The following MED7 variants were observed in gnomAD, a reference collection of about 807,000 sequenced individuals.
MED7 encodes the protein mediator of RNA polymerase II transcription subunit 7.
In MED7, 7 loss-of-function variants were observed where a neutral mutation model predicts 16.6. The ratio of observed to expected loss-of-function variants is 0.42; its 90% CI spans 0.24 to 0.79. The LOEUF is 0.79. Ranked by LOEUF, MED7 falls within the 30% of genes least tolerant of loss-of-function variation. The pLI, the probability that MED7 is intolerant of heterozygous loss-of-function variation, is 0.27. For missense variants in MED7, 240 were observed against 286.3 expected (o/e 0.84, Z 1.17); for synonymous variants, 88 against 90.5 (o/e 0.97, Z 0.16).
chr5:157,140,018 T>G (rs1432306203), intron 1 of MED7, among the ~76,000 whole-genome samples: 1 of 152,204 alleles, frequency 6.6e-6, no homozygotes, highest in Non-Finnish European at 1.5e-5. Context: ...TAACTTTTGT[T>G]TGTTTTTTGA....
intron 1 of MED7, 85 bp downstream of exon 1, chr5:157,142,735 C>G (rs1203546144): frequency 6.6e-6 from 1 of 152,532 alleles, no homozygotes; most frequent in African/African-American, 2.4e-5. Context: ...CTCCCCAGTT[C>G]CCAGCCCAGC....
chr5:157,142,192 G>C (rs1757735969), intron 1 of MED7, among the ~76,000 whole-genome samples: 2 of 152,190 alleles, frequency 1.3e-5, no homozygotes, highest in South Asian at 4.1e-4. Context: ...ATCAGAGCTG[G>C]TTCTTAACTC....
rs980714657 is a variant in MED7 at position 157,137,760 on chromosome 5, T to C, written c.*970A>G. On this transcript the variant is annotated 3_prime_UTR_variant, in exon 2 of 2. Coordinates refer to ENST00000286317, the MANE Select transcript of MED7 (RefSeq NM_004270.5). ...TTGCCATCTTCGGTGGCTTCCAAAC[T>C]TATCCTGGATACGACCGTCCAACCA... 2.6e-5 allele frequency: 4 copies of C among 152,222 alleles called. No individual in the cohort carries two copies. The highest frequency in any genetic ancestry group is 6.5e-5 in the Admixed American group (1 of 15,274). 9.4% of individuals were successfully genotyped at this position (152,222 alleles called of 1,614,324 possible).
intron 1 of MED7, among the ~76,000 whole-genome samples, chr5:157,140,012 TTTTG>T (rs886471997): frequency 1.5e-4 from 23 of 152,170 alleles, no homozygotes; most frequent in African/African-American, 4.8e-4. Flanking sequence ...ACACATTAAC[TTTTG>T]TTTGTTTTTT....
Position 157,139,464 on chromosome 5 carries a change from A to G in MED7, c.-17-16T>C, listed in dbSNP as rs1186185080. On this transcript the variant is annotated splice_polypyrimidine_tract_variant and intron_variant, in intron 1 of 1. Transcript: ENST00000286317. ...TATCAAGAACCTATGGACACAGACCAAAGATTTATTAGAGCCACAAGACAA... is the reference window on the plus strand; with the variant it reads ...TATCAAGAACCTATGGACACAGACCGAAGATTTATTAGAGCCACAAGACAA... 2.1e-6 allele frequency: 3 copies of G among 1,408,544 alleles called. No homozygotes were observed. Among genetic ancestry groups the G allele is most frequent in the African/African-American group, 1.5e-5 (1 of 68,688 alleles). 87.3% of individuals were successfully genotyped at this position (1,408,544 alleles called of 1,614,324 possible). A position where few individuals can be genotyped will look rare whatever the true frequency, so the allele number is the denominator to read the frequency against.
intron 1 of MED7, among the ~76,000 whole-genome samples, chr5:157,141,747 G>C (rs1242367313): frequency 1.3e-5 from 2 of 151,852 alleles, no homozygotes; most frequent in African/African-American, 4.8e-5. Context: ...GCACCACCAC[G>C]CCCAGCTAAT....
At chr5:157,140,305 C>T (rs377382265) in intron 1 of MED7, among the ~76,000 whole-genome samples, 1 of 152,098 alleles carries the variant, frequency 6.6e-6, no homozygotes, top group Non-Finnish European at 1.5e-5. Context: ...TGAGCCACCA[C>T]GCCTGGCCTG....
intron 1 of MED7, chr5:157,142,608 C>A (rs554361991): frequency 2.6e-5 from 4 of 152,234 alleles, no homozygotes; most frequent in Admixed American, 2.6e-4. Flanking sequence ...ACGCTTAGAG[C>A]CCCCTCCTCC....
chr5:157,138,570 C>T lies in MED7; in HGVS notation c.*160G>A. 1.7e-6 allele frequency: 1 copy of T among 604,280 alleles called. No homozygotes were observed. Among genetic ancestry groups the T allele is most frequent in the Non-Finnish European group, 2.8e-6 (1 of 352,972 alleles). The allele number at this position is 604,280 out of a possible 1,614,324, so 37.4% of individuals were successfully genotyped here. ...CACTCATTTGTCTATGCTTGTTATA[C>T]AGCGAAATTACTGCCTATGACATCT... is the stretch of plus-strand genomic sequence containing the variant. On this transcript the variant is annotated 3_prime_UTR_variant, in exon 2 of 2. Transcript: ENST00000286317.
Position 157,138,840 on chromosome 5 carries a change from T to C in MED7, c.592A>G (p.Thr198Ala), listed in dbSNP as rs753431410. The C allele has an allele frequency of 9.9e-6, 16 of 1,614,192 alleles. No homozygotes were observed. The highest frequency in any genetic ancestry group is 2.2e-5 in the East Asian group (1 of 44,890). ...PMDADDSNNC[T>A]GQNEHQRENS... ...TCTCTTTGATGTTCATTCTGTCCAG[T>C]ACAATTGTTGCTATCATCAGCATCC... Residue 198 changes from threonine (T) to alanine (A), a missense_variant, in exon 2 of 2, where the codon ACT becomes GCT. Coordinates refer to ENST00000286317, the MANE Select transcript of MED7 (RefSeq NM_004270.5).
rs1258533344 is a variant in MED7, at chr5:157,138,284, A to T, written c.*446T>A. 1 of 154,174 alleles carries T rather than the reference A, an allele frequency of 6.5e-6. No individual in the cohort carries two copies. The highest frequency in any genetic ancestry group is 2.4e-5 in the African/African-American group (1 of 41,492). 9.6% of individuals were successfully genotyped at this position (154,174 alleles called of 1,614,324 possible). On this transcript the variant is annotated 3_prime_UTR_variant, in exon 2 of 2. Transcript: ENST00000286317. ...AACTCTACTGGGCTCCTCTCTATCA[A>T]CATGTTATGCTACTTTTTGGAGCTT... is the stretch of plus-strand genomic sequence containing the variant.
At position 157,139,170 on chromosome 5, in the gene MED7, T is replaced by A; in HGVS notation, c.262A>T (p.Asn88Tyr). The A allele has an allele frequency of 6.2e-7, 1 of 1,613,112 alleles. No homozygotes were observed. Among genetic ancestry groups the A allele is most frequent in the Non-Finnish European group, 8.5e-7 (1 of 1,179,636 alleles). The change falls in exon 2 of 2, where the codon AAT (asparagine) becomes TAT (tyrosine). Residue 88 changes from asparagine (N) to tyrosine (Y), a missense_variant. Transcript: ENST00000286317. ...AAAATATCTAAAAGGTCCAAGAAATTAATAAGGATAGACATATTAAGTTTT... is the reference window on the plus strand; with the variant it reads ...AAAATATCTAAAAGGTCCAAGAAATAAATAAGGATAGACATATTAAGTTTT... ...LRKLNMSILINFLDLLDILIR... is the reference protein window; with the variant it reads ...LRKLNMSILIYFLDLLDILIR...
rs1757685484 is a variant in MED7 at position 157,139,115 on chromosome 5, TCTC to T, written c.314_316del (p.Arg105_Glu106delinsGln). 1 of 1,613,904 alleles carries T rather than the reference TCTC, an allele frequency of 6.2e-7. No homozygotes were observed. Among genetic ancestry groups the T allele is most frequent in the Non-Finnish European group, 8.5e-7 (1 of 1,179,944 alleles). On this transcript the variant is annotated inframe_deletion, in exon 2 of 2. Transcript: ENST00000286317. ...CAGCTTAAGATCTTCTAGTTTCTCT[TCTC>T]GTTTTATACTCCCAGGGCTCCTTAT... is the stretch of plus-strand genomic sequence containing the variant.
chr5:157,142,358 G>A (rs1016502573), intron 1 of MED7: 2 of 152,288 alleles, frequency 1.3e-5, no homozygotes, highest in Admixed American at 1.3e-4. Flanking sequence ...AGATGGACCT[G>A]ACGATTAGGC....
chr5:157,138,447 T>A lies in MED7; in HGVS notation c.*283A>T, dbSNP rs1439115632. On this transcript the variant is annotated 3_prime_UTR_variant, in exon 2 of 2. Coordinates refer to ENST00000286317, the MANE Select transcript of MED7 (RefSeq NM_004270.5). ...ACGAAAACTTTGCTATTATTGAGGT[T>A]ATCATCAAAGTTTTACTGCAACTCT... 6.5e-6 allele frequency: 2 copies of A among 305,786 alleles called. No individual in the cohort carries two copies. Among genetic ancestry groups the A allele is most frequent in the African/African-American group, 4.3e-5 (2 of 46,458 alleles). The allele number at this position is 305,786 out of a possible 1,614,324, so 18.9% of individuals were successfully genotyped here. A position where few individuals can be genotyped will look rare whatever the true frequency, so the allele number is the denominator to read the frequency against.
Position 157,139,105 on chromosome 5 carries a change from T to A in MED7, c.327A>T (p.Leu109=). The change falls in exon 2 of 2, where the codon CTA becomes CTT. Residue 109 remains leucine (L), a synonymous_variant. Transcript: ENST00000286317. The part of the protein sequence containing the change: ...SPGSIKREEK[L]EDLKLLFVHV... ...GTACAAAAAGCAGCTTAAGATCTTC[T>A]AGTTTCTCTTCTCGTTTTATACTCC... is the stretch of plus-strand genomic sequence containing the variant. The A allele has an allele frequency of 6.2e-6, 10 of 1,613,996 alleles. No homozygotes were observed. The highest frequency in any genetic ancestry group is 8.5e-6 in the Non-Finnish European group (10 of 1,179,956).
chr5:157,140,582 C>CG (rs1757708672), intron 1 of MED7, among the ~76,000 whole-genome samples: 11 of 152,024 alleles, frequency 7.2e-5, no homozygotes, highest in Non-Finnish European at 1.6e-4. Context: ...GTGGCGCAGC[C>CG]CTGAGTTTCC....
In MED7 at chr5:157,137,472, G is replaced by A. The variant is rs918778298; in HGVS notation, c.*1258C>T. 5 of 152,130 alleles carry A rather than the reference G, an allele frequency of 3.3e-5. No homozygotes were observed. The highest frequency in any genetic ancestry group is 9.7e-5 in the African/African-American group (4 of 41,414). The allele number at this position is 152,130 out of a possible 1,614,324, so 9.4% of individuals were successfully genotyped here. A position where few individuals can be genotyped will look rare whatever the true frequency, so the allele number is the denominator to read the frequency against. On this transcript the variant is annotated 3_prime_UTR_variant, in exon 2 of 2. Transcript: ENST00000286317. The stretch of plus-strand genomic sequence containing the variant: ...GATTATACTAAAACTTTTATTTCTA[G>A]TAAGTCCCCAAGTGATACCAATGCT...
rs1757670872 is a variant in MED7 at position 157,138,511 on chromosome 5, T to C, written c.*219A>G. ...GTCCCATACAACAGCAGCTAACACTTTGCTTTTTAAAGTGATTCTTCTTAG... is the reference window on the plus strand; with the variant it reads ...GTCCCATACAACAGCAGCTAACACTCTGCTTTTTAAAGTGATTCTTCTTAG... On this transcript the variant is annotated 3_prime_UTR_variant, in exon 2 of 2. Transcript: ENST00000286317. 2.2e-6 allele frequency: 1 copy of C among 461,806 alleles called. No individual in the cohort carries two copies. Among genetic ancestry groups the C allele is most frequent in the Non-Finnish European group, 3.8e-6 (1 of 263,976 alleles). The allele number at this position is 461,806 out of a possible 1,614,324, so 28.6% of individuals were successfully genotyped here.
Sources: gnomAD v4.1 joint callset for allele counts (sites outside exome capture counted in the v4.1 genomes callset) on GRCh38, gnomAD v4.1.1 for gene constraint, MANE v1.5 for transcripts, NCBI Gene and HGNC (gene_info 2026-07-23, HGNC 2026-07-21) for gene names.